Variants in FBXO16 observed in about 807,000 individuals in gnomAD.
FBXO16 encodes the protein F-box protein 16, also known as F-box only protein 16.
FBXO16 carries 31 observed loss-of-function variants against 41.0 expected under a neutral mutation model. The observed-to-expected ratio is 0.76, with a 90% CI of 0.57 to 1.02. The LOEUF (loss-of-function observed/expected upper bound fraction) is 1.02. Ranked by LOEUF, FBXO16 falls within the 50% of genes least tolerant of loss-of-function variation. The probability of loss-of-function intolerance (pLI) is 0.00; values close to 1 mark genes in which losing one functional copy is unlikely to be tolerated. For missense variants in FBXO16, 361 were observed against 346.2 expected, an observed-to-expected ratio of 1.04 and a Z score of -0.34; for synonymous variants, 133 against 117.8, an observed-to-expected ratio of 1.13 and a Z score of -0.84.
chr8:28,465,371 T>C (rs1306579790), intron 3 of FBXO16: 1 of 450,466 alleles, frequency 2.2e-6, no homozygotes, highest in Non-Finnish European at 4.5e-6. Context: ...GTCTGTAATC[T>C]CAGCACTTTG....
intron 3 of FBXO16, among the ~76,000 whole-genome samples, chr8:28,470,211 G>A (rs913010662): frequency 2.0e-5 from 3 of 151,834 alleles, no homozygotes; most frequent in Non-Finnish European, 4.4e-5. Context: ...AAAAAATAAA[G>A]TCATAATAAT....
At position 28,428,685 on chromosome 8, in the gene FBXO16, G is replaced by C. The variant is rs768223142; in HGVS notation, c.*42C>G. ...GGGAGTCCCACTGACTCAGGGGGAG[G>C]CCAGGCGAGATGAGCTGGAACTTTT... is the stretch of plus-strand genomic sequence containing the variant. On this transcript the variant is annotated 3_prime_UTR_variant, in exon 9 of 9. Transcript: ENST00000380254. 49 of 1,574,462 alleles carry C rather than the reference G, an allele frequency of 3.1e-5. No homozygotes were observed. Among genetic ancestry groups the C allele is most frequent in the Non-Finnish European group, 3.9e-5 (45 of 1,161,108 alleles).
chr8:28,436,780 G>C (rs545344776), intron 7 of FBXO16, among the ~76,000 whole-genome samples: 1 of 152,164 alleles, frequency 6.6e-6, no homozygotes, highest in East Asian at 1.9e-4. Flanking sequence ...TTAAGACAGG[G>C]TCTCACTGTC....
At chr8:28,461,556 C>CT (rs56111911) in intron 4 of FBXO16, among the ~76,000 whole-genome samples, 46,416 of 147,878 alleles carry the variant, frequency 0.31, 7,460 homozygotes, top group East Asian at 0.52. Context: ...GGTTGTTGGT[C>CT]TTTTTTTTTT....
At chr8:28,454,035 G>A (rs879324948) in intron 5 of FBXO16, among the ~76,000 whole-genome samples, 3 of 151,870 alleles carry the variant, frequency 2.0e-5, no homozygotes, top group East Asian at 3.9e-4. Context: ...GTGTGGTGGC[G>A]CATGCCTGTA....
intron 3 of FBXO16, among the ~76,000 whole-genome samples, chr8:28,464,527 C>T (rs546607064): frequency 1.3e-5 from 2 of 152,332 alleles, no homozygotes; most frequent in Non-Finnish European, 2.9e-5. Flanking sequence ...GCTTAGTGAG[C>T]TACTTCACTG....
chr8:28,468,357 G>A (rs1023480336), intron 3 of FBXO16, among the ~76,000 whole-genome samples: 2 of 152,142 alleles, frequency 1.3e-5, no homozygotes, highest in Non-Finnish European at 2.9e-5. Flanking sequence ...TGAGAAGGTT[G>A]CTAGGGCGAT....
chr8:28,480,175 ATTTCCTTTATCAT>A (rs1281656774), intron 2 of FBXO16, among the ~76,000 whole-genome samples: 4 of 146,278 alleles, frequency 2.7e-5, no homozygotes, highest in African/African-American at 7.6e-5. Context: ...CTCTTTCCTC[ATTTCCTTTATCAT>A]TTTCCTTTTT....
intron 7 of FBXO16, among the ~76,000 whole-genome samples, chr8:28,446,244 C>A (rs948552480): frequency 8.2e-6 from 1 of 121,984 alleles, no homozygotes; most frequent in African/African-American, 3.1e-5. Flanking sequence ...TGCAGTGGTG[C>A]GACCTTGGCT....
At chr8:28,448,018 GTAGGA>G (rs1802893362) in intron 6 of FBXO16, among the ~76,000 whole-genome samples, 1 of 152,068 alleles carries the variant, frequency 6.6e-6, no homozygotes, top group South Asian at 2.1e-4. Context: ...TTACCTGTAA[GTAGGA>G]TTCCCATGTG....
At position 28,463,740 on chromosome 8, in the gene FBXO16, A is replaced by C. The variant is rs909999930; in HGVS notation, c.214T>G (p.Phe72Val). The C allele has an allele frequency of 6.2e-7, 1 of 1,614,066 alleles. No individual in the cohort carries two copies. The highest frequency in any genetic ancestry group is 1.3e-5 in the African/African-American group (1 of 74,932). Reference protein sequence around the residue: ...LERCSLSQQKFCCRKLQEKIP... With the variant: ...LERCSLSQQKVCCRKLQEKIP... ...TTCTCTTGAAGCTTTCGACAGCAGA[A>C]CTTTTGCTGGGACAGCGAGCAGCGC... The change falls in exon 4 of 9, where the codon TTC (phenylalanine) becomes GTC (valine). Residue 72 changes from phenylalanine (F) to valine (V), a missense_variant. Physicochemically the swap from Phe to Val is conservative, Grantham distance 50. Transcript: ENST00000380254.
chr8:28,433,956 ATTT>A (rs773888558), intron 7 of FBXO16, among the ~76,000 whole-genome samples: 54 of 118,274 alleles, frequency 4.6e-4, no homozygotes, highest in African/African-American at 1.6e-3. Flanking sequence ...TCACTCCCTG[ATTT>A]TTTTTTTTTT....
At chr8:28,481,493 T>A (rs1803511781) in intron 2 of FBXO16, among the ~76,000 whole-genome samples, 1 of 152,070 alleles carries the variant, frequency 6.6e-6, no homozygotes, top group Non-Finnish European at 1.5e-5. Context: ...CTCCGAAACA[T>A]CTTGGCATGC....
At chr8:28,462,403 C>T (rs923882069) in intron 4 of FBXO16, among the ~76,000 whole-genome samples, 6 of 151,962 alleles carry the variant, frequency 3.9e-5, no homozygotes, top group Non-Finnish European at 7.4e-5. Context: ...CTCAGCCTCC[C>T]GAGTAGCTGG....
At chr8:28,451,669 G>A (rs1233253357) in intron 6 of FBXO16, among the ~76,000 whole-genome samples, 2 of 151,880 alleles carry the variant, frequency 1.3e-5, no homozygotes, top group Non-Finnish European at 1.5e-5. Flanking sequence ...CTTTGGTGCT[G>A]GACTGCAATT....
At chr8:28,445,735 ATC>A (rs375451491) in intron 7 of FBXO16, among the ~76,000 whole-genome samples, 1 of 151,838 alleles carries the variant, frequency 6.6e-6, no homozygotes, top group Non-Finnish European at 1.5e-5. Flanking sequence ...AAAGAAGCTC[ATC>A]TCTCTCTCTC....
At chr8:28,432,829 G>T (rs964920612) in intron 7 of FBXO16, among the ~76,000 whole-genome samples, 2 of 152,104 alleles carry the variant, frequency 1.3e-5, no homozygotes, top group African/African-American at 4.8e-5. Flanking sequence ...GGCCAAGGCG[G>T]GTGGATCACC....
intron 4 of FBXO16, among the ~76,000 whole-genome samples, chr8:28,461,398 T>C (rs1028674166): frequency 2.0e-5 from 3 of 152,136 alleles, no homozygotes; most frequent in Non-Finnish European, 2.9e-5. Flanking sequence ...CTCACCAATA[T>C]AGAATATTAT....
At chr8:28,446,176 C>CTTTTTTTTTTTTTTT (rs11421643) in intron 7 of FBXO16, among the ~76,000 whole-genome samples, 1 of 83,080 alleles carries the variant, frequency 1.2e-5, no homozygotes, top group Non-Finnish European at 2.2e-5. Context: ...TGCATTTTTC[C>CTTTTTTTTTTTTTTT]TTTTTTTTTT....
Sources: gnomAD v4.1 joint callset for allele counts (sites outside exome capture counted in the v4.1 genomes callset) on GRCh38, gnomAD v4.1.1 for gene constraint, MANE v1.5 for transcripts, NCBI Gene and HGNC (gene_info 2026-07-23, HGNC 2026-07-21) for gene names.